Variants in PCDH15 observed in about 807,000 individuals in gnomAD.
The protein encoded by PCDH15 is protocadherin related 15.
In PCDH15, 129 loss-of-function variants were observed where a neutral mutation model predicts 178.5. The observed-to-expected ratio is 0.72, with a 90% CI of 0.63 to 0.84. PCDH15 has a LOEUF of 0.84. PCDH15 is among the 40% of genes least tolerant of loss of function. The pLI is 0.00. For missense variants in PCDH15, 2,230 were observed against 2,099.9 expected (o/e 1.06, Z -1.21); for synonymous variants, 800 against 732.0 (o/e 1.09, Z -1.50).
chr10:54,006,357 A>G (rs1007761182), intron 20 of PCDH15, among the ~76,000 whole-genome samples: 2 of 152,198 alleles, frequency 1.3e-5, no homozygotes, highest in African/African-American at 4.8e-5. Flanking sequence ...CAACCCCAAC[A>G]GAACAATTAG....
At chr10:54,598,750 A>G (rs1343875361) in intron 2 of PCDH15, among the ~76,000 whole-genome samples, 1 of 152,100 alleles carries the variant, frequency 6.6e-6, no homozygotes, top group Non-Finnish European at 1.5e-5. Context: ...AAAGCTCTGT[A>G]AGCTGACAAA....
rs1181904602 is a variant in PCDH15 at position 55,341,783 on chromosome 10, ATATATATATATATATATATATATTTTTTT to A, written c.-155-175161_-155-175133del. On this transcript the variant is annotated intron_variant, in intron 2 of 5. Transcript: ENST00000613346. ...TATGCATATATATATATATATATAT[ATATATATATATATATATATATATTTTTTT>A]TTTTTTTTTTTTTTTTTTTAGTAGA... 1.8e-3 allele frequency among the ~76,000 whole-genome samples: 24 copies of A among 13,440 alleles called. 1 individual carries two copies. The highest frequency in any genetic ancestry group is 6.4e-3 in the East Asian group (5 of 784). The allele number at this position is 13,440 out of a possible 152,430, so 8.8% of individuals were successfully genotyped here.
chr10:54,145,726 T>C (rs545684059), intron 14 of PCDH15, among the ~76,000 whole-genome samples: 94 of 151,978 alleles, frequency 6.2e-4, no homozygotes, highest in African/African-American at 2.1e-3. Context: ...AAGAGAAGGG[T>C]GTAAGTAAAG....
chr10:55,389,062 A>G (rs1164085578), intron 2 of PCDH15, among the ~76,000 whole-genome samples: 2 of 152,154 alleles, frequency 1.3e-5, no homozygotes, highest in Non-Finnish European at 2.9e-5. Flanking sequence ...TTGCATATGA[A>G]CATTCAAACA....
At chr10:55,018,214 G>A (rs1840231598) in intron 2 of PCDH15, among the ~76,000 whole-genome samples, 1 of 151,958 alleles carries the variant, frequency 6.6e-6, no homozygotes, top group Non-Finnish European at 1.5e-5. Context: ...AAAAATTAAT[G>A]CGAAAAAGTT....
chr10:55,188,762 T>C (rs1313230927), intron 1 of PCDH15, among the ~76,000 whole-genome samples: 1 of 151,858 alleles, frequency 6.6e-6, no homozygotes, highest in Non-Finnish European at 1.5e-5. Context: ...TATCTTATTT[T>C]TACATACATG....
Position 55,097,066 on chromosome 10 carries a change from A to C in PCDH15, c.-80+69510T>G, listed in dbSNP as rs565983000. The stretch of plus-strand genomic sequence containing the variant: ...CTGATACAAGGAATAAGAAAACTAT[A>C]CTGTTATGCCTCTTTACCAAATAAA... On this transcript the variant is annotated intron_variant, in intron 2 of 5. Coordinates refer to the PCDH15 transcript ENST00000458638. 5.3e-4 allele frequency among the ~76,000 whole-genome samples: 80 copies of C among 152,176 alleles called. 1 individual carries two copies. In the South Asian group the frequency reaches 0.017, roughly 32 times the overall value.
intron 2 of PCDH15, among the ~76,000 whole-genome samples, chr10:54,644,954 G>A (rs2094092020): frequency 6.6e-6 from 1 of 152,090 alleles, no homozygotes; most frequent in Admixed American, 6.6e-5. Context: ...TTGAAACAGA[G>A]GCCAGGTCCT....
At chr10:55,347,026 C>A (rs2131961955) in intron 2 of PCDH15, among the ~76,000 whole-genome samples, 1 of 151,898 alleles carries the variant, frequency 6.6e-6, no homozygotes. Flanking sequence ...CCAGACTGGG[C>A]AACATGGCAA....
intron 21 of PCDH15, among the ~76,000 whole-genome samples, chr10:53,965,293 C>T (rs2088888562): frequency 6.6e-6 from 1 of 152,074 alleles, no homozygotes; most frequent in African/African-American, 2.4e-5. Flanking sequence ...CTCCTGACCT[C>T]ATGATCCGCT....
intron 1 of PCDH15, among the ~76,000 whole-genome samples, chr10:54,746,988 T>A (rs1335398447): frequency 6.6e-6 from 1 of 152,204 alleles, no homozygotes; most frequent in Non-Finnish European, 1.5e-5. Context: ...TTACAATGGT[T>A]TTATAAGGTG....
chr10:54,608,412 GC>G (rs2092843205), intron 2 of PCDH15, among the ~76,000 whole-genome samples: 1 of 151,904 alleles, frequency 6.6e-6, no homozygotes, highest in Admixed American at 6.6e-5. Flanking sequence ...TTTGAGACCC[GC>G]CTGGGCAGTT....
intron 2 of PCDH15, among the ~76,000 whole-genome samples, chr10:54,534,515 C>T (rs12777089): frequency 6.6e-6 from 1 of 152,110 alleles, no homozygotes; most frequent in Admixed American, 6.6e-5. Flanking sequence ...TGGTGAGATT[C>T]CACAGAAAGA....
chr10:53,904,558 A>G (rs1367094878), intron 25 of PCDH15, among the ~76,000 whole-genome samples: 3 of 150,838 alleles, frequency 2.0e-5, no homozygotes, highest in African/African-American at 7.3e-5. Context: ...CTACTCATTC[A>G]GCTTTTCTCT....
intron 35 of PCDH15, among the ~76,000 whole-genome samples, chr10:53,811,912 G>T (rs920898120): frequency 6.6e-6 from 1 of 152,064 alleles, no homozygotes; most frequent in Non-Finnish European, 1.5e-5. Context: ...TTGCAGATGA[G>T]CATTTTCACT....
At chr10:53,809,739 T>G (rs1460340971) in intron 37 of PCDH15, among the ~76,000 whole-genome samples, 1 of 152,216 alleles carries the variant, frequency 6.6e-6, no homozygotes, top group Non-Finnish European at 1.5e-5. Context: ...GTAAATTATT[T>G]TATTTTAGCT....
intron 2 of PCDH15, among the ~76,000 whole-genome samples, chr10:54,537,068 A>G (rs1781449): frequency 0.42 from 59,542 of 141,564 alleles, 13,575 homozygotes; most frequent in East Asian, 0.68. Flanking sequence ...GTGCGATCTC[A>G]GCTCACTGCA....
chr10:54,824,513 T>G (rs1436176070), intron 3 of PCDH15, among the ~76,000 whole-genome samples: 2 of 152,158 alleles, frequency 1.3e-5, no homozygotes, highest in Admixed American at 1.3e-4. Context: ...CAGCCTTTGC[T>G]GTCATTTCTG....
At chr10:54,731,564 A>ATATATATG (rs1491229343) in intron 1 of PCDH15, among the ~76,000 whole-genome samples, 10 of 43,354 alleles carry the variant, frequency 2.3e-4, no homozygotes, top group South Asian at 1.7e-3. Context: ...ATATATATAT[A>ATATATATG]CACACACACA....
Sources: gnomAD v4.1 joint callset for allele counts (sites outside exome capture counted in the v4.1 genomes callset) on GRCh38, gnomAD v4.1.1 for gene constraint, MANE v1.5 for transcripts, NCBI Gene and HGNC (gene_info 2026-07-23, HGNC 2026-07-21) for gene names.